MLXIPL: variants seen among roughly 807,000 people sequenced by gnomAD.
The protein encoded by MLXIPL is carbohydrate-responsive element-binding protein.
MLXIPL carries 49 observed loss-of-function variants against 81.5 expected under a neutral mutation model. That is an observed-to-expected ratio of 0.60 (90% confidence interval 0.48 to 0.76). The LOEUF (loss-of-function observed/expected upper bound fraction) is 0.76, where lower values mean the gene tolerates loss of function less well. Among genes scored for constraint, MLXIPL ranks in the 30% least tolerant of loss-of-function variants. The pLI is 0.00. For synonymous variants in MLXIPL, 466 were observed against 485.5 expected, an observed-to-expected ratio of 0.96 and a Z score of 0.53; for missense variants, 1,053 against 1,167.0, an observed-to-expected ratio of 0.90 and a Z score of 1.42.
At chr7:73,595,806 C>T (rs1252315674) in intron 14 of MLXIPL, 36 bp downstream of exon 14, 1 of 1,583,590 alleles carries the variant, frequency 6.3e-7, no homozygotes. Context: ...GGCGGCATGG[C>T]CCCCTGGTCC....
chr7:73,616,648 G>A (rs1796022130), intron 1 of MLXIPL, among the ~76,000 whole-genome samples: 1 of 152,080 alleles, frequency 6.6e-6, no homozygotes, highest in Admixed American at 6.6e-5. Context: ...AGGAGTTCGA[G>A]ACCAGCCTAG....
intron 1 of MLXIPL, 82 bp from the exon 2 acceptor site, chr7:73,616,259 A>C: frequency 8.0e-7 from 1 of 1,242,656 alleles, no homozygotes; most frequent in Non-Finnish European, 1.2e-6. Context: ...TGCACTAGGC[A>C]TCCATCTATG....
rs1554598596 is a variant in MLXIPL, at chr7:73,607,384, T to A, written c.520A>T (p.Ile174Phe). 6.4e-7 allele frequency: 1 copy of A among 1,564,276 alleles called. No homozygotes were observed. Among genetic ancestry groups the A allele is most frequent in the East Asian group, 2.4e-5 (1 of 42,170 alleles). The stretch of plus-strand genomic sequence containing the variant: ...TGGTATTCCCGCATCACCACCTCGA[T>A]GCGCCGCTTCCAGTAGTTCCCCTCC... ...VLEGNYWKRR[I>F]EVVMREYHKW... Residue 174 changes from isoleucine (I) to phenylalanine (F), a missense_variant, in exon 4 of 17, where the codon ATC (isoleucine) becomes TTC (phenylalanine). By Grantham distance (21) the Ile-to-Phe change is conservative. Coordinates refer to ENST00000313375, the MANE Select transcript of MLXIPL (RefSeq NM_032951.3).
At chr7:73,621,052 A>AAAT (rs1563513096) in intron 1 of MLXIPL, among the ~76,000 whole-genome samples, 17 of 148,648 alleles carry the variant, frequency 1.1e-4, no homozygotes, top group Admixed American at 3.4e-4. Flanking sequence ...TCTGTCTCCA[A>AAAT]AAATAAATAA....
intron 2 of MLXIPL, among the ~76,000 whole-genome samples, chr7:73,613,061 T>C (rs1479522009): frequency 3.9e-5 from 6 of 152,032 alleles, no homozygotes; most frequent in Non-Finnish European, 7.4e-5. Flanking sequence ...AAAGGAAGAA[T>C]CTTAGAGGAT....
chr7:73,605,825 C>G (rs1461998354), intron 6 of MLXIPL, 57 bp from the exon 7 acceptor site: 1 of 1,589,106 alleles, frequency 6.3e-7, no homozygotes, highest in Non-Finnish European at 8.6e-7. Context: ...AGGGTCCCCA[C>G]CCCCATCCCC....
chr7:73,605,690 G>C lies in MLXIPL; in HGVS notation c.899C>G (p.Ser300Ter). 3 of 1,613,456 alleles carry C rather than the reference G, an allele frequency of 1.9e-6. No individual in the cohort carries two copies. Among genetic ancestry groups the C allele is most frequent in the Non-Finnish European group, 2.5e-6 (3 of 1,179,890 alleles). The change falls in exon 7 of 17, where the codon TCA becomes TGA. Residue 300 changes from serine (S) to a stop codon, truncating the protein, a stop_gained and splice_region_variant. Transcript: ENST00000313375. LOFTEE classifies it high-confidence loss of function. ...ACCTGGGGAGGGGCTCGCCCCACCTGAGATGTCCATGAAGTCATCCAGGCT... is the reference window on the plus strand; with the variant it reads ...ACCTGGGGAGGGGCTCGCCCCACCTCAGATGTCCATGAAGTCATCCAGGCT... ...QPSLDDFMDI[S>*]DFFTNSRLPQ...
chr7:73,599,849 A>G (rs1311201790), intron 7 of MLXIPL, among the ~76,000 whole-genome samples, 154 bp from the exon 8 acceptor site: 2 of 151,920 alleles, frequency 1.3e-5, no homozygotes, highest in Non-Finnish European at 2.9e-5. Context: ...AGATTGTGAA[A>G]CTGGGAGGGT....
chr7:73,607,458 G>A (rs1052303844), intron 3 of MLXIPL, 38 bp from the exon 4 acceptor site: 1 of 1,529,624 alleles, frequency 6.5e-7, no homozygotes, highest in Non-Finnish European at 8.9e-7. Flanking sequence ...CAGTAGAGAG[G>A]GGAGCACCGC....
upstream of MLXIPL, among the ~76,000 whole-genome samples, chr7:73,625,367 C>T (rs540485126): frequency 2.6e-3 from 396 of 152,342 alleles, 5 homozygotes; most frequent in African/African-American, 8.7e-3. Context: ...TAGGTAGAAG[C>T]CCCCAACTCT....
In MLXIPL at chr7:73,606,034, G is replaced by C; in HGVS notation, c.696C>G (p.Asp232Glu). ...FSSVVPVLLGDPEEEPGGRQL... is the reference protein window; with the variant it reads ...FSSVVPVLLGEPEEEPGGRQL... The stretch of plus-strand genomic sequence containing the variant: ...GCCGCCCACCCGGCTCCTCCTCTGG[G>C]TCCCCCAGCAGCACGGGGACCACAC... Residue 232 changes from aspartate to glutamate, a missense_variant, in exon 6 of 17, where the codon GAC (aspartate) becomes GAG (glutamate). Around this residue, in one of 3 missense-constraint regions of MLXIPL, gnomAD observed 823 missense variants for 933.0 expected, o/e 0.88. Transcript: ENST00000313375. The C allele has an allele frequency of 6.3e-7, 1 of 1,589,824 alleles. No individual in the cohort carries two copies. The highest frequency in any genetic ancestry group is 8.6e-7 in the Non-Finnish European group (1 of 1,167,980).
the MLXIPL span, among the ~76,000 whole-genome samples, chr7:73,630,098 C>T: frequency 6.6e-6 from 1 of 151,430 alleles, no homozygotes; most frequent in African/African-American, 2.4e-5. Context: ...CTTGGGTTCA[C>T]GCCATTCTCC....
rs901955430 is a variant in MLXIPL, at chr7:73,593,677, C to T, written c.*188G>A. ...CTGGAGCACAGTGGCAGAGCAGGGACGGGGACTCTGCTCTTCTTGACCTCC... is the reference window on the plus strand; with the variant it reads ...CTGGAGCACAGTGGCAGAGCAGGGATGGGGACTCTGCTCTTCTTGACCTCC... On this transcript the variant is annotated 3_prime_UTR_variant, in exon 17 of 17. Coordinates refer to ENST00000313375, the MANE Select transcript of MLXIPL (RefSeq NM_032951.3). 52 of 606,854 alleles carry T rather than the reference C, an allele frequency of 8.6e-5. 1 individual carries two copies. Among genetic ancestry groups the T allele is most frequent in the South Asian group, 7.4e-4 (41 of 55,548 alleles). 37.6% of individuals were successfully genotyped at this position (606,854 alleles called of 1,614,324 possible).
In MLXIPL at chr7:73,597,044, C is replaced by T. The variant is rs1368646712; in HGVS notation, c.1604-112G>A. 3.4e-6 allele frequency: 5 copies of T among 1,456,394 alleles called. No individual in the cohort carries two copies. The Admixed American group carries it at 5.9e-5, about 17-fold the overall frequency. The allele number at this position is 1,456,394 out of a possible 1,614,324, so 90.2% of individuals were successfully genotyped here. Reference sequence around the variant, plus strand: ...ACACCCCTTTTAGGTACAGGCCCCACATCCCTCATTCCTTGCCACTCTGTC... The same window carrying T: ...ACACCCCTTTTAGGTACAGGCCCCATATCCCTCATTCCTTGCCACTCTGTC... On this transcript the variant is annotated intron_variant, in intron 9 of 16. Coordinates refer to ENST00000313375, the MANE Select transcript of MLXIPL (RefSeq NM_032951.3).
intron 2 of MLXIPL, among the ~76,000 whole-genome samples, chr7:73,607,950 G>T (rs572499095): frequency 1.4e-4 from 21 of 146,094 alleles, no homozygotes; most frequent in African/African-American, 5.4e-4. Context: ...TCCACCTCCT[G>T]GGTTCAAGCG....
At chr7:73,608,958 G>A (rs113797104) in intron 2 of MLXIPL, among the ~76,000 whole-genome samples, 15 of 151,834 alleles carry the variant, frequency 9.9e-5, no homozygotes, top group Non-Finnish European at 1.8e-4. Flanking sequence ...TCTGGTGTAC[G>A]CCACCATGTC....
At position 73,593,829 on chromosome 7, in the gene MLXIPL, C is replaced by A. The variant is rs1554592686; in HGVS notation, c.*36G>T. 1 of 1,559,562 alleles carries A rather than the reference C, an allele frequency of 6.4e-7. No homozygotes were observed. Among genetic ancestry groups the A allele is most frequent in the Non-Finnish European group, 8.8e-7 (1 of 1,130,948 alleles). On this transcript the variant is annotated 3_prime_UTR_variant, in exon 17 of 17. Coordinates refer to ENST00000313375, the MANE Select transcript of MLXIPL (RefSeq NM_032951.3). ...GCCCGTGCCCAGGGAAAGCAGCCCC[C>A]AGGGCAGCTGAGTGAGCAGCAGGGT...
In MLXIPL at chr7:73,597,063, C is replaced by T. The variant is rs886734637; in HGVS notation, c.1603+119G>A. ...GCCCCACATCCCTCATTCCTTGCCA[C>T]TCTGTCCCTTGAACTGGACCTGCCC... On this transcript the variant is annotated intron_variant, in intron 9 of 16. Transcript: ENST00000313375. 1.2e-5 allele frequency: 17 copies of T among 1,449,532 alleles called. 1 individual carries two copies. In the South Asian group the frequency reaches 1.7e-4, roughly 15 times the overall value. 89.8% of individuals were successfully genotyped at this position (1,449,532 alleles called of 1,614,324 possible). A position where few individuals can be genotyped will look rare whatever the true frequency, so the allele number is the denominator to read the frequency against.
chr7:73,626,566 C>G (rs1796760092), upstream of MLXIPL, among the ~76,000 whole-genome samples: 2 of 152,028 alleles, frequency 1.3e-5, no homozygotes, highest in African/African-American at 4.8e-5. Flanking sequence ...GCTTCTGAAG[C>G]CTCTTTTCTC....
Sources: allele counts gnomAD v4.1 joint callset (sites outside exome capture counted in the v4.1 genomes callset), GRCh38; gene constraint gnomAD v4.1.1; regional missense constraint gnomAD v4.1.1; transcripts MANE v1.5; gene names NCBI Gene and HGNC (gene_info 2026-07-23, HGNC 2026-07-21).